NR6A1: variants seen among roughly 807,000 people sequenced by gnomAD.
The protein encoded by NR6A1 is retinoic acid receptor-related testis-associated receptor.
NR6A1 carries 7 observed loss-of-function variants against 59.1 expected under a neutral mutation model. That is an observed-to-expected ratio of 0.12 (90% confidence interval 0.07 to 0.22). The LOEUF is 0.22. Among genes scored for constraint, NR6A1 ranks in the 10% least tolerant of loss-of-function variants. The pLI, the probability that NR6A1 is intolerant of heterozygous loss-of-function variation, is 1.00. For missense variants in NR6A1, 468 were observed against 611.6 expected (o/e 0.77, Z 2.48); for synonymous variants, 243 against 236.1 (o/e 1.03, Z -0.27).
At chr9:124,673,096 C>A (rs536797550) in intron 2 of NR6A1, among the ~76,000 whole-genome samples, 3 of 152,188 alleles carry the variant, frequency 2.0e-5, no homozygotes, top group African/African-American at 4.8e-5. Context: ...CCAAGGCTAG[C>A]GGATTGCTTG....
chr9:124,751,495 C>T (rs930600027), intron 1 of NR6A1, among the ~76,000 whole-genome samples: 4 of 152,204 alleles, frequency 2.6e-5, no homozygotes, highest in Non-Finnish European at 5.9e-5. Flanking sequence ...GGCATGCTGA[C>T]AAACCTCCTT....
intron 2 of NR6A1, among the ~76,000 whole-genome samples, chr9:124,641,263 G>A (rs1244666117): frequency 6.6e-6 from 1 of 151,880 alleles, no homozygotes; most frequent in Non-Finnish European, 1.5e-5. Context: ...GGAGGATGAG[G>A]CAGGAGAATT....
intron 2 of NR6A1, among the ~76,000 whole-genome samples, chr9:124,646,487 T>C (rs563409122): frequency 6.6e-6 from 1 of 152,256 alleles, no homozygotes; most frequent in African/African-American, 2.4e-5. Context: ...ATGGATCCTA[T>C]AGACATTAAA....
At chr9:124,548,683 G>A (rs940480880) in intron 3 of NR6A1, among the ~76,000 whole-genome samples, 6 of 152,122 alleles carry the variant, frequency 3.9e-5, no homozygotes, top group Admixed American at 2.0e-4. Flanking sequence ...GTGATATGGC[G>A]ATGCCACAGG....
intron 2 of NR6A1, among the ~76,000 whole-genome samples, chr9:124,690,760 T>C (rs1239436766): frequency 1.3e-5 from 2 of 152,108 alleles, no homozygotes; most frequent in South Asian, 2.1e-4. Context: ...ACCGAGTATA[T>C]AAACCCCTTA....
In NR6A1 at chr9:124,771,051, A is replaced by T. The variant is rs1841142064; in HGVS notation, c.69T>A (p.Pro23=). Residue 23 remains proline (P), a synonymous_variant, in exon 1 of 10, where the codon CCT becomes CCA. Coordinates refer to ENST00000487099, the MANE Select transcript of NR6A1 (RefSeq NM_033334.4). ...GGGGSAGFLE[P]PAALPPPPRN... The stretch of plus-strand genomic sequence containing the variant: ...GCGGCGGCGGAGGGAGCGCGGCGGG[A>T]GGCTCCAGGAACCCCGCCGAGCCCC... 2.2e-5 allele frequency: 27 copies of T among 1,230,108 alleles called. No individual in the cohort carries two copies. The highest frequency in any genetic ancestry group is 2.7e-5 in the Non-Finnish European group (27 of 986,998). 76.2% of individuals were successfully genotyped at this position (1,230,108 alleles called of 1,614,324 possible).
intron 3 of NR6A1, among the ~76,000 whole-genome samples, chr9:124,553,633 T>C (rs1249844466): frequency 6.8e-6 from 1 of 147,934 alleles, no homozygotes; most frequent in African/African-American, 2.5e-5. Flanking sequence ...TTTCAACTTC[T>C]GGTGCTGCTC....
chr9:124,666,887 T>C (rs1240503577), intron 2 of NR6A1, among the ~76,000 whole-genome samples: 1 of 152,002 alleles, frequency 6.6e-6, no homozygotes, highest in Non-Finnish European at 1.5e-5. Flanking sequence ...GTTCCTTCCC[T>C]GGCGGGGGCG....
intron 1 of NR6A1, among the ~76,000 whole-genome samples, chr9:124,752,831 T>C (rs911620700): frequency 3.4e-5 from 5 of 147,762 alleles, no homozygotes; most frequent in African/African-American, 1.2e-4. Flanking sequence ...AAAAAAAAGA[T>C]CAGAAAAACA....
chr9:124,658,499 T>G (rs966721432), intron 2 of NR6A1: 3 of 152,260 alleles, frequency 2.0e-5, no homozygotes, highest in African/African-American at 7.2e-5. Flanking sequence ...TATCTAATTT[T>G]TTTTTTGTTT....
intron 2 of NR6A1, among the ~76,000 whole-genome samples, chr9:124,605,350 T>C (rs777863177): frequency 6.6e-6 from 1 of 152,064 alleles, no homozygotes; most frequent in Non-Finnish European, 1.5e-5. Flanking sequence ...GATCCATCTT[T>C]ACAAAAAATT....
At position 124,536,033 on chromosome 9, in the gene NR6A1, G is replaced by A; in HGVS notation, c.924C>T (p.Phe308=). The change falls in exon 7 of 10, where the codon TTC becomes TTT. Residue 308 remains phenylalanine, a synonymous_variant. Transcript: ENST00000487099. ...QIAWIKKLPF[F]CELSIKDYTC... ...TGTAATCCTTGATTGAGAGCTCGCA[G>A]AAGAAAGGCAGTTTCTTGATCCAGG... 1 of 1,614,246 alleles carries A rather than the reference G, an allele frequency of 6.2e-7. No individual in the cohort carries two copies. The highest frequency in any genetic ancestry group is 8.5e-7 in the Non-Finnish European group (1 of 1,180,050).
At chr9:124,744,044 T>C (rs1026362195) in intron 1 of NR6A1, among the ~76,000 whole-genome samples, 7 of 152,134 alleles carry the variant, frequency 4.6e-5, no homozygotes, top group Non-Finnish European at 7.4e-5. Context: ...CTGGGCAATA[T>C]AGTGAGACCT....
At chr9:124,636,117 A>C (rs568932909) in intron 2 of NR6A1, among the ~76,000 whole-genome samples, 1 of 152,322 alleles carries the variant, frequency 6.6e-6, no homozygotes, top group South Asian at 2.1e-4. Flanking sequence ...GACATGGAGC[A>C]TCTTTTCTTA....
At chr9:124,721,676 T>C (rs1404348031) in intron 2 of NR6A1, among the ~76,000 whole-genome samples, 1 of 152,188 alleles carries the variant, frequency 6.6e-6, no homozygotes, top group Admixed American at 6.5e-5. Flanking sequence ...TTCTACTTTG[T>C]GTCCAAAACC....
intron 2 of NR6A1, among the ~76,000 whole-genome samples, chr9:124,575,791 T>C (rs1588679440): frequency 6.6e-6 from 1 of 152,166 alleles, no homozygotes; most frequent in Non-Finnish European, 1.5e-5. Flanking sequence ...GTAAAGTACA[T>C]GTACTTGGAA....
chr9:124,620,140 G>A (rs1836025026), intron 2 of NR6A1, among the ~76,000 whole-genome samples: 1 of 151,836 alleles, frequency 6.6e-6, no homozygotes, highest in African/African-American at 2.4e-5. Flanking sequence ...CACAAATAAG[G>A]TAGCACAATA....
At chr9:124,638,079 C>G (rs1836666542) in intron 2 of NR6A1, among the ~76,000 whole-genome samples, 1 of 151,810 alleles carries the variant, frequency 6.6e-6, no homozygotes, top group Non-Finnish European at 1.5e-5. Flanking sequence ...GAGATCCCAT[C>G]TCTACAAAAA....
chr9:124,647,976 A>C (rs1264932546), intron 2 of NR6A1, among the ~76,000 whole-genome samples: 1 of 152,156 alleles, frequency 6.6e-6, no homozygotes, highest in Non-Finnish European at 1.5e-5. Flanking sequence ...CCTTACCCTG[A>C]TACCAAAGCC....
Sources: gnomAD v4.1 joint callset for allele counts (sites outside exome capture counted in the v4.1 genomes callset) on GRCh38, gnomAD v4.1.1 for gene constraint, MANE v1.5 for transcripts, NCBI Gene and HGNC (gene_info 2026-07-23, HGNC 2026-07-21) for gene names.